HTR3B: variants seen among roughly 807,000 people sequenced by gnomAD.
The protein encoded by HTR3B is 5-hydroxytryptamine (serotonin) receptor 3B, ionotropic.
In HTR3B, 44 loss-of-function variants were observed where a neutral mutation model predicts 42.8. The observed-to-expected ratio is 1.03, with a 90% CI of 0.81 to 1.32. The LOEUF (loss-of-function observed/expected upper bound fraction) is 1.32, where lower values mean the gene tolerates loss of function less well. HTR3B is among the 40% of genes most tolerant of loss of function. HTR3B has a pLI of 0.00. For synonymous variants in HTR3B, 203 were observed against 209.0 expected (o/e 0.97, Z 0.25); for missense variants, 527 against 536.5 (o/e 0.98, Z 0.17).
chr11:113,908,596 C>T (rs1445913181), intron 1 of HTR3B, among the ~76,000 whole-genome samples: 1 of 152,222 alleles, frequency 6.6e-6, no homozygotes, highest in Non-Finnish European at 1.5e-5. Context: ...TTCCCTTCCT[C>T]TGGCCTCCCT....
chr11:113,904,794 A>G, upstream of HTR3B: 2 of 676,364 alleles, frequency 3.0e-6, no homozygotes, highest in Non-Finnish European at 2.7e-6. Context: ...TGTTTACAAA[A>G]TAGCACCAGT....
intron 2 of HTR3B, among the ~76,000 whole-genome samples, chr11:113,923,199 C>T (rs1949933167): frequency 6.6e-6 from 1 of 152,212 alleles, no homozygotes; most frequent in African/African-American, 2.4e-5. Flanking sequence ...TCTGCACAGA[C>T]AAGGACACTC....
At chr11:113,920,807 A>G (rs112317341) in intron 2 of HTR3B, among the ~76,000 whole-genome samples, 1 of 151,864 alleles carries the variant, frequency 6.6e-6, no homozygotes, top group Non-Finnish European at 1.5e-5. Flanking sequence ...AATTCCTTCA[A>G]GTTTTTTATT....
chr11:113,903,764 A>C (rs1176733), upstream of HTR3B, among the ~76,000 whole-genome samples: 993 of 152,308 alleles, frequency 6.5e-3, 10 homozygotes, highest in African/African-American at 0.023. Flanking sequence ...AAATGTACTG[A>C]AAACCATGGG....
chr11:113,906,285 G>T (rs746735374), intron 1 of HTR3B, among the ~76,000 whole-genome samples: 20 of 152,144 alleles, frequency 1.3e-4, no homozygotes, highest in Non-Finnish European at 2.5e-4. Context: ...TTTGTTAAGT[G>T]TAAGAGCACG....
Position 113,945,910 on chromosome 11 carries a change from C to T in HTR3B, c.1099C>T (p.Leu367=), listed in dbSNP as rs1308988590. 1 of 1,613,384 alleles carries T rather than the reference C, an allele frequency of 6.2e-7. No homozygotes were observed. The highest frequency in any genetic ancestry group is 8.5e-7 in the Non-Finnish European group (1 of 1,179,410). The change falls in exon 9 of 9, where the codon CTG becomes TTG. Residue 367 remains leucine (L), a synonymous_variant. Transcript: ENST00000260191. ...AQRAVVTESS[L]YGEHLAQPGT... ...TTTCCTCCATCACACAGAGTCCTCG[C>T]TGTATGGAGAGCACCTGGCCCAGCC...
Position 113,943,073 on chromosome 11 carries a change from T to G in HTR3B, c.788T>G (p.Leu263Arg). The G allele has an allele frequency of 6.2e-7, 1 of 1,614,070 alleles. No individual in the cohort carries two copies. Among genetic ancestry groups the G allele is most frequent in the Non-Finnish European group, 8.5e-7 (1 of 1,179,968 alleles). The change falls in exon 7 of 9, where the codon CTG becomes CGG. Residue 263 changes from leucine to arginine, a missense_variant. By Grantham distance (102) the Leu-to-Arg change is moderately radical. Coordinates refer to ENST00000260191, the MANE Select transcript of HTR3B (RefSeq NM_006028.5). ...LMLVDLGSFY[L>R]PPNCRARIVF... ...CTGGTGGACCTGGGGAGCTTCTACC[T>G]GCCACCCAACTGCCGAGCCAGGATT...
At chr11:113,920,993 A>G (rs1949906192) in intron 2 of HTR3B, among the ~76,000 whole-genome samples, 1 of 150,426 alleles carries the variant, frequency 6.6e-6, no homozygotes, top group Non-Finnish European at 1.5e-5. Context: ...TTGTATTTTT[A>G]GTAGAGATGG....
intron 8 of HTR3B, among the ~76,000 whole-genome samples, chr11:113,945,532 T>C (rs1055836035): frequency 4.6e-5 from 7 of 152,198 alleles, no homozygotes; most frequent in South Asian, 2.1e-4. Context: ...CGTGCACACA[T>C]GCATACAAGG....
At chr11:113,942,146 G>C (rs975896631) in intron 6 of HTR3B, among the ~76,000 whole-genome samples, 2 of 152,162 alleles carry the variant, frequency 1.3e-5, no homozygotes, top group Non-Finnish European at 2.9e-5. Context: ...GAGGCAGGGG[G>C]ATCACCTGAG....
chr11:113,937,295 C>A (rs1346189046), intron 6 of HTR3B, among the ~76,000 whole-genome samples: 5 of 152,194 alleles, frequency 3.3e-5, no homozygotes, highest in African/African-American at 1.2e-4. Flanking sequence ...TCCATTCAGG[C>A]TAACTCCACA....
intron 6 of HTR3B, among the ~76,000 whole-genome samples, chr11:113,940,696 A>T (rs1192791160): frequency 6.6e-6 from 1 of 152,210 alleles, no homozygotes. Context: ...CAGAGTCGGG[A>T]TGTGCTCCCA....
At chr11:113,901,533 A>ATCTAAGC (rs1343428623), upstream of HTR3B, among the ~76,000 whole-genome samples, 1 of 152,216 alleles carries the variant, frequency 6.6e-6, no homozygotes, top group Admixed American at 6.5e-5. Flanking sequence ...AAGCCAGCTG[A>ATCTAAGC]CAGTACAGAG....
intron 2 of HTR3B, among the ~76,000 whole-genome samples, chr11:113,918,744 C>G (rs569240416): frequency 1.3e-5 from 2 of 151,626 alleles, no homozygotes; most frequent in Non-Finnish European, 1.5e-5. Context: ...GCAACCTCCA[C>G]GTTCTGGGTT....
At chr11:113,916,046 A>C (rs961091334) in intron 2 of HTR3B, among the ~76,000 whole-genome samples, 1 of 152,182 alleles carries the variant, frequency 6.6e-6, no homozygotes, top group Non-Finnish European at 1.5e-5. Context: ...CGTGTTGGCC[A>C]GGCTGGTCTC....
chr11:113,944,865 C>A, intron 8 of HTR3B, 110 bp downstream of exon 8: 2 of 958,778 alleles, frequency 2.1e-6, no homozygotes, highest in Non-Finnish European at 3.0e-6. Context: ...AAACCTACAA[C>A]AACTGCTTCT....
intron 6 of HTR3B, among the ~76,000 whole-genome samples, chr11:113,937,604 A>G (rs1458979688): frequency 2.0e-5 from 3 of 152,230 alleles, no homozygotes; most frequent in Non-Finnish European, 2.9e-5. Flanking sequence ...TTTACAAATA[A>G]ATGAATTGAG....
At chr11:113,907,709 G>A (rs937253183) in intron 1 of HTR3B, among the ~76,000 whole-genome samples, 8 of 152,130 alleles carry the variant, frequency 5.3e-5, no homozygotes, top group South Asian at 2.1e-4. Context: ...CAGACAGTGC[G>A]AGGAACACAT....
At chr11:113,900,478 G>T (rs73554884), upstream of HTR3B, among the ~76,000 whole-genome samples, 3,548 of 152,046 alleles carry the variant, frequency 0.023, 121 homozygotes, top group African/African-American at 0.079. Flanking sequence ...CTGAAACTGG[G>T]TTATTTATTT....
Sources: gnomAD v4.1 joint callset for allele counts (sites outside exome capture counted in the v4.1 genomes callset) on GRCh38, gnomAD v4.1.1 for gene constraint, MANE v1.5 for transcripts, NCBI Gene and HGNC (gene_info 2026-07-23, HGNC 2026-07-21) for gene names.